The following PLAC1 variants were observed in gnomAD, a reference collection of about 807,000 sequenced individuals.
PLAC1 encodes the protein placenta associated 1, also known as placenta-specific protein 1.
For synonymous variants in PLAC1, 68 were observed against 62.1 expected (o/e 1.09, Z -0.44); for missense variants, 136 against 163.2 (o/e 0.83, Z 0.91).
rs748044497 is a variant in PLAC1, at chrX:134,566,091, A to C, written c.592T>G (p.Ser198Ala). The C allele has an allele frequency of 2.5e-6, 3 of 1,210,402 alleles. No individual in the cohort carries two copies. In the East Asian group the frequency reaches 8.9e-5, roughly 36 times the overall value. Reference protein sequence around the residue: ...PLQPSHFLDISEDWSLHTDDM... With the variant: ...PLQPSHFLDIAEDWSLHTDDM... ...TCTGTGTGAAGAGACCAATCCTCAG[A>C]AATATCAAGAAAGTGAGATGGCTGC... is the stretch of plus-strand genomic sequence containing the variant. Residue 198 changes from serine to alanine, a missense_variant, in exon 3 of 3, where the codon TCT (serine) becomes GCT (alanine). Physicochemically the swap from Ser to Ala is moderately conservative, Grantham distance 99. Coordinates refer to ENST00000359237, the MANE Select transcript of PLAC1 (RefSeq NM_021796.4).
intron 2 of PLAC1, among the ~76,000 whole-genome samples, chrX:134,706,364 C>T (rs2147831014): frequency 8.9e-6 from 1 of 112,032 alleles, no homozygotes. Context: ...GTGACAGTAG[C>T]GACCACATAG....
chrX:134,576,049 ACTTT>A (rs1291612060), intron 2 of PLAC1, among the ~76,000 whole-genome samples: 1 of 108,582 alleles, frequency 9.2e-6, no homozygotes, highest in African/African-American at 3.3e-5. Context: ...AGAATGAAGG[ACTTT>A]CTTTCTGAAA....
rs757214554 is a variant in PLAC1, at chrX:134,566,435, C to T, written c.248G>A (p.Arg83Lys). ...FTYRVTECGI[R>K]AKAVSQDMVI... is the part of the protein sequence containing the mutation. ...CATGTCCTGAGAGACAGCTTTGGCCCTGATGCCACATTCAGTAACACGGTA... is the reference window on the plus strand; with the variant it reads ...CATGTCCTGAGAGACAGCTTTGGCCTTGATGCCACATTCAGTAACACGGTA... The change falls in exon 3 of 3, where the codon AGG becomes AAG. Residue 83 changes from arginine (R) to lysine (K), a missense_variant. Transcript: ENST00000359237. 8.3e-7 allele frequency: 1 copy of T among 1,211,946 alleles called. No homozygotes were observed.
At chrX:134,588,290 TTTTATTTA>T (rs58865720) in intron 2 of PLAC1, among the ~76,000 whole-genome samples, 34,576 of 73,988 alleles carry the variant, frequency 0.47, 6,201 homozygotes, top group East Asian at 0.72. Flanking sequence ...GAACTCTTTA[TTTTATTTA>T]TTTATTTATT....
chrX:134,725,001 CAA>C (rs5903883), intron 2 of PLAC1, among the ~76,000 whole-genome samples: 2 of 91,787 alleles, frequency 2.2e-5, no homozygotes, highest in Non-Finnish European at 2.2e-5. Flanking sequence ...GACCCTGTCT[CAA>C]AAAAAAAAAA....
At chrX:134,575,572 A>T (rs1569375011) in intron 2 of PLAC1, among the ~76,000 whole-genome samples, 1 of 110,033 alleles carries the variant, frequency 9.1e-6, no homozygotes, top group Non-Finnish European at 1.9e-5. Flanking sequence ...GATTGAGACC[A>T]TCCTGGCTAA....
intron 1 of PLAC1, among the ~76,000 whole-genome samples, chrX:134,633,688 G>T (rs963383634): frequency 1.8e-5 from 2 of 111,676 alleles, no homozygotes; most frequent in Non-Finnish European, 3.8e-5. Flanking sequence ...AGAAGCATGT[G>T]ATTATTCCAC....
chrX:134,626,579 AC>A (rs1405557090), intron 1 of PLAC1, among the ~76,000 whole-genome samples: 1 of 110,607 alleles, frequency 9.0e-6, no homozygotes, highest in Non-Finnish European at 1.9e-5. Flanking sequence ...CTCCCCATCT[AC>A]TCCCTTCTTC....
At chrX:134,738,233 G>T (rs1240424315) in intron 1 of PLAC1, among the ~76,000 whole-genome samples, 1 of 112,156 alleles carries the variant, frequency 8.9e-6, no homozygotes, top group African/African-American at 3.2e-5. Context: ...TGTTAACAGC[G>T]ATGTCTGCAA....
intron 2 of PLAC1, among the ~76,000 whole-genome samples, chrX:134,590,037 T>C (rs867990368): frequency 2.1e-4 from 20 of 93,707 alleles, no homozygotes; most frequent in Admixed American, 5.8e-4. Context: ...GTACTAAAAA[T>C]ACAAAAAATT....
At chrX:134,649,491 C>T (rs1309802856) in intron 1 of PLAC1, among the ~76,000 whole-genome samples, 1 of 110,336 alleles carries the variant, frequency 9.1e-6, no homozygotes, top group Non-Finnish European at 1.9e-5. Flanking sequence ...AGCATTTACA[C>T]CATGGAAATC....
rs781758524 is a variant in PLAC1, at chrX:134,602,852, G to A, written c.-130-730C>T. Among the ~76,000 whole-genome samples, 5 of 109,831 alleles carry A rather than the reference G, an allele frequency of 4.6e-5. No homozygotes were observed. In the East Asian group the frequency reaches 1.4e-3, roughly 32 times the overall value. ...GCATGAGGGGATTTGGGGGGTAATG[G>A]AACTGTTCTATATCATGATTGTGGT... On this transcript the variant is annotated intron_variant, in intron 1 of 2. Coordinates refer to ENST00000359237, the MANE Select transcript of PLAC1 (RefSeq NM_021796.4).
At chrX:134,749,270 C>G (rs917716539) in intron 1 of PLAC1, among the ~76,000 whole-genome samples, 1 of 112,066 alleles carries the variant, frequency 8.9e-6, no homozygotes, top group African/African-American at 3.2e-5. Flanking sequence ...GAGCCAAGAT[C>G]GTGCCACTGC....
intron 1 of PLAC1, among the ~76,000 whole-genome samples, chrX:134,746,969 G>C (rs1438065351): frequency 8.9e-6 from 1 of 112,203 alleles, no homozygotes; most frequent in Non-Finnish European, 1.9e-5. Context: ...GTTTCACTAA[G>C]GGATACAGGC....
At chrX:134,710,431 T>C (rs748421319) in intron 2 of PLAC1, among the ~76,000 whole-genome samples, 1 of 112,067 alleles carries the variant, frequency 8.9e-6, no homozygotes, top group African/African-American at 3.2e-5. Context: ...ACTAAAAGTG[T>C]ATGTACTCTT....
intron 2 of PLAC1, among the ~76,000 whole-genome samples, chrX:134,732,502 T>G (rs2078691627): frequency 1.8e-5 from 2 of 111,646 alleles, no homozygotes; most frequent in Middle Eastern, 4.6e-3. Context: ...GTTCCCTGGG[T>G]TGTGATGAGC....
chrX:134,573,532 A>G (rs2077920551), intron 2 of PLAC1, among the ~76,000 whole-genome samples: 1 of 111,472 alleles, frequency 9.0e-6, no homozygotes, highest in Admixed American at 9.6e-5. Flanking sequence ...TGAAATCATC[A>G]GAAGGCAGAG....
At chrX:134,568,556 G>A (rs2077889510) in intron 2 of PLAC1, among the ~76,000 whole-genome samples, 2 of 111,530 alleles carry the variant, frequency 1.8e-5, no homozygotes, top group Admixed American at 1.9e-4. Context: ...TAAAAGAGAA[G>A]CCCCACAGGT....
At chrX:134,706,309 G>A (rs1198363111) in intron 2 of PLAC1, among the ~76,000 whole-genome samples, 19 of 112,267 alleles carry the variant, frequency 1.7e-4, no homozygotes, top group African/African-American at 4.9e-4. Context: ...TGTTGGAGAG[G>A]GCCAAGTGGG....
Sources: gnomAD v4.1 joint callset for allele counts (sites outside exome capture counted in the v4.1 genomes callset) on GRCh38, gnomAD v4.1.1 for gene constraint, MANE v1.5 for transcripts, NCBI Gene and HGNC (gene_info 2026-07-23, HGNC 2026-07-21) for gene names.